CPNE8: variants seen among roughly 807,000 people sequenced by gnomAD.
CPNE8 encodes the protein copine-8.
A neutral mutation model predicts 81.5 loss-of-function variants in CPNE8; 45 were observed. That is an observed-to-expected ratio of 0.55 (90% CI 0.44 to 0.71). CPNE8 has a LOEUF of 0.71. Ranked by LOEUF, CPNE8 falls within the 30% of genes least tolerant of loss-of-function variation. CPNE8 has a pLI of 0.00. For missense variants in CPNE8, 594 were observed against 672.1 expected, an observed-to-expected ratio of 0.88 and a Z score of 1.28; for synonymous variants, 252 against 226.3, an observed-to-expected ratio of 1.11 and a Z score of -1.02.
At chr12:38,875,518 G>A (rs570097417) in intron 1 of CPNE8, among the ~76,000 whole-genome samples, 1 of 152,250 alleles carries the variant, frequency 6.6e-6, no homozygotes, top group Admixed American at 6.5e-5. Flanking sequence ...TGTTCAAGCT[G>A]TCTTATTTTC....
At chr12:38,846,364 A>C (rs1012037463) in intron 4 of CPNE8, among the ~76,000 whole-genome samples, 1 of 152,204 alleles carries the variant, frequency 6.6e-6, no homozygotes, top group African/African-American at 2.4e-5. Context: ...CAAAAAACTA[A>C]GAGAAGGTTG....
At chr12:38,795,068 C>A (rs1389493478) in intron 6 of CPNE8, among the ~76,000 whole-genome samples, 1 of 152,198 alleles carries the variant, frequency 6.6e-6, no homozygotes, top group Non-Finnish European at 1.5e-5. Flanking sequence ...GAATCTTGGA[C>A]TTATACCAAT....
chr12:38,893,422 C>T (rs555745829), intron 1 of CPNE8, among the ~76,000 whole-genome samples: 2 of 152,296 alleles, frequency 1.3e-5, no homozygotes, highest in South Asian at 4.1e-4. Flanking sequence ...CTCCCACCAG[C>T]GCCATCACAG....
rs550253705 is a variant in CPNE8 at position 38,839,411 on chromosome 12, T to C, written c.330+505A>G. 1.6e-4 allele frequency among the ~76,000 whole-genome samples: 25 copies of C among 152,004 alleles called. 1 individual carries two copies. In the South Asian group the frequency reaches 5.2e-3, roughly 32 times the overall value. ...GGACCCAAAAAAGAAAACAAAACTATAAGTGACTTGAGGACAGAGATTATG... is the reference window on the plus strand; with the variant it reads ...GGACCCAAAAAAGAAAACAAAACTACAAGTGACTTGAGGACAGAGATTATG... On this transcript the variant is annotated intron_variant, in intron 5 of 19. Transcript: ENST00000331366.
intron 1 of CPNE8, among the ~76,000 whole-genome samples, chr12:38,892,999 T>C (rs1944336109): frequency 1.3e-5 from 2 of 150,588 alleles, no homozygotes; most frequent in Non-Finnish European, 2.9e-5. Flanking sequence ...TCTAACATAA[T>C]AGTTCTTTAA....
chr12:38,896,210 G>C (rs993649434), intron 1 of CPNE8, among the ~76,000 whole-genome samples: 1 of 152,058 alleles, frequency 6.6e-6, no homozygotes, highest in Non-Finnish European at 1.5e-5. Context: ...GTGATATTTT[G>C]TTTCTTCAGA....
intron 10 of CPNE8, among the ~76,000 whole-genome samples, chr12:38,732,425 A>C (rs528532981): frequency 6.6e-6 from 1 of 152,080 alleles, no homozygotes; most frequent in East Asian, 1.9e-4. Flanking sequence ...ACTTTGAAGC[A>C]GTTCTTTGAT....
At chr12:38,796,342 T>A (rs771123814) in intron 6 of CPNE8, among the ~76,000 whole-genome samples, 20 of 152,038 alleles carry the variant, frequency 1.3e-4, no homozygotes, top group Admixed American at 9.2e-4. Context: ...ACAAAAATAT[T>A]TAGTTTTTAT....
At chr12:38,793,685 A>G (rs1418581357) in intron 6 of CPNE8, among the ~76,000 whole-genome samples, 1 of 151,872 alleles carries the variant, frequency 6.6e-6, no homozygotes, top group African/African-American at 2.4e-5. Context: ...CAAAATGCCA[A>G]TGGCATTTTT....
chr12:38,761,271 C>A (rs1384756670), intron 9 of CPNE8, among the ~76,000 whole-genome samples: 1 of 152,128 alleles, frequency 6.6e-6, no homozygotes, highest in African/African-American at 2.4e-5. Context: ...GATTATTGGA[C>A]CTCTCTCCTG....
intron 5 of CPNE8, among the ~76,000 whole-genome samples, chr12:38,832,684 G>A (rs1943308146): frequency 6.6e-6 from 1 of 151,772 alleles, no homozygotes; most frequent in Non-Finnish European, 1.5e-5. Flanking sequence ...AATATTTATG[G>A]CACTCTCAGC....
intron 6 of CPNE8, among the ~76,000 whole-genome samples, 181 bp downstream of exon 6, chr12:38,829,198 A>G (rs541085207): frequency 2.5e-4 from 38 of 152,340 alleles, no homozygotes; most frequent in Admixed American, 1.4e-3. Context: ...AGCATAGCAT[A>G]TGACAGGTGA....
intron 13 of CPNE8, among the ~76,000 whole-genome samples, chr12:38,720,208 G>T (rs1215996789): frequency 3.9e-5 from 6 of 152,208 alleles, no homozygotes; most frequent in Admixed American, 3.9e-4. Context: ...TAGGAAGTGT[G>T]CAGCTAAGGA....
chr12:38,743,060 A>T (rs1941146304), intron 10 of CPNE8, among the ~76,000 whole-genome samples: 1 of 152,108 alleles, frequency 6.6e-6, no homozygotes, highest in African/African-American at 2.4e-5. Flanking sequence ...GTACTTAACT[A>T]AATACACAAT....
intron 6 of CPNE8, among the ~76,000 whole-genome samples, chr12:38,812,716 T>G (rs1942958969): frequency 6.6e-6 from 1 of 152,194 alleles, no homozygotes; most frequent in African/African-American, 2.4e-5. Context: ...ATGAATGGAT[T>G]AACGCCACTA....
At chr12:38,780,908 G>T (rs541017267) in intron 6 of CPNE8, among the ~76,000 whole-genome samples, 1 of 151,942 alleles carries the variant, frequency 6.6e-6, no homozygotes, top group South Asian at 2.1e-4. Context: ...GATGAAAAAA[G>T]AAAGAAGGAG....
rs575564048 is a variant in CPNE8 at position 38,898,249 on chromosome 12, T to TA, written c.98+7187dup. ...TTAAAACCCCTCAGGCCCCAAATGCTAAAAAACACAGGCAGACCAAAATAC... is the reference window on the plus strand; with the variant it reads ...TTAAAACCCCTCAGGCCCCAAATGCTAAAAAAACACAGGCAGACCAAAATAC... On this transcript the variant is annotated intron_variant, in intron 1 of 19. Transcript: ENST00000331366. 9.4e-4 allele frequency among the ~76,000 whole-genome samples: 143 copies of TA among 151,950 alleles called. 1 individual carries two copies. The East Asian group carries it at 0.023, about 24-fold the overall frequency.
intron 10 of CPNE8, among the ~76,000 whole-genome samples, chr12:38,738,709 A>T (rs1273420606): frequency 6.6e-6 from 1 of 152,130 alleles, no homozygotes; most frequent in Non-Finnish European, 1.5e-5. Flanking sequence ...TTAACTTAAA[A>T]GTAATAACTC....
At chr12:38,767,809 A>G in intron 7 of CPNE8, 71 bp from the exon 8 acceptor site, 2 of 872,408 alleles carry the variant, frequency 2.3e-6, no homozygotes, top group South Asian at 2.2e-5. Context: ...ATCAGAAACA[A>G]GACTTGACAA....
Sources: gnomAD v4.1 joint callset for allele counts (sites outside exome capture counted in the v4.1 genomes callset) on GRCh38, gnomAD v4.1.1 for gene constraint, MANE v1.5 for transcripts, NCBI Gene and HGNC (gene_info 2026-07-23, HGNC 2026-07-21) for gene names.